MEI1: variants seen among roughly 807,000 people sequenced by gnomAD.
MEI1 encodes meiotic double-stranded break formation protein 1, also known as meiosis inhibitor protein 1.
A neutral mutation model predicts 146.2 loss-of-function variants in MEI1; 103 were observed. The observed-to-expected ratio is 0.70, with a 90% CI of 0.60 to 0.83. The LOEUF is 0.83. MEI1 is among the 40% of genes least tolerant of loss of function. The probability of loss-of-function intolerance (pLI) is 0.00; values close to 1 mark genes in which losing one functional copy is unlikely to be tolerated. For missense variants in MEI1, 1,529 were observed against 1,533.0 expected, an observed-to-expected ratio of 1.00 and a Z score of 0.04; for synonymous variants, 652 against 628.2, an observed-to-expected ratio of 1.04 and a Z score of -0.57.
At chr22:41,750,580 G>T (rs1029296367) in intron 15 of MEI1, among the ~76,000 whole-genome samples, 1 of 152,078 alleles carries the variant, frequency 6.6e-6, no homozygotes. Flanking sequence ...AAATGGGGGT[G>T]TGAGTAGAGG....
At chr22:41,775,777 G>A (rs1158602889) in intron 20 of MEI1, among the ~76,000 whole-genome samples, 2 of 151,938 alleles carry the variant, frequency 1.3e-5, no homozygotes, top group African/African-American at 4.8e-5. Flanking sequence ...TGTATTTTTA[G>A]TAAAGACGGG....
At chr22:41,703,557 T>C (rs2147209152) in intron 2 of MEI1, 103 bp downstream of exon 2, 5 of 1,082,302 alleles carry the variant, frequency 4.6e-6, no homozygotes, top group African/African-American at 1.6e-5. Context: ...AGGTTTTTTG[T>C]ATTGTAATAC....
chr22:41,752,685 A>G (rs202078816), intron 16 of MEI1, 34 bp downstream of exon 16: 92 of 1,556,202 alleles, frequency 5.9e-5, no homozygotes, highest in Non-Finnish European at 7.3e-5. Context: ...TGAGTGGCCA[A>G]GGGGCCAATG....
At chr22:41,713,952 C>A in intron 3 of MEI1, 50 bp from the exon 4 acceptor site, 1 of 1,492,624 alleles carries the variant, frequency 6.7e-7, no homozygotes, top group Non-Finnish European at 9.1e-7. Flanking sequence ...GGAAGGTGGA[C>A]TCTGGGTTGG....
intron 6 of MEI1, among the ~76,000 whole-genome samples, chr22:41,721,832 T>A (rs896102813): frequency 2.1e-5 from 3 of 144,538 alleles, no homozygotes; most frequent in African/African-American, 7.7e-5. Context: ...GTGATTCTCC[T>A]GCCACAGCCT....
chr22:41,711,572 A>G (rs1227564661), intron 3 of MEI1, among the ~76,000 whole-genome samples: 1 of 152,218 alleles, frequency 6.6e-6, no homozygotes, highest in Non-Finnish European at 1.5e-5. Flanking sequence ...CACTAGAGGA[A>G]GACTAAGGGT....
intron 20 of MEI1, among the ~76,000 whole-genome samples, chr22:41,771,792 A>C (rs2075196469): frequency 6.6e-6 from 1 of 152,146 alleles, no homozygotes; most frequent in Non-Finnish European, 1.5e-5. Flanking sequence ...CAAATTGAAC[A>C]ACAAATTAGA....
chr22:41,764,835 G>A (rs1336045504), intron 19 of MEI1, among the ~76,000 whole-genome samples: 1 of 152,174 alleles, frequency 6.6e-6, no homozygotes, highest in African/African-American at 2.4e-5. Context: ...CCAACCAGAG[G>A]TGGTACTAAG....
chr22:41,768,872 T>G (rs1383758332), intron 19 of MEI1, among the ~76,000 whole-genome samples: 1 of 152,196 alleles, frequency 6.6e-6, no homozygotes, highest in African/African-American at 2.4e-5. Flanking sequence ...CCAAATCATA[T>G]CAACTTATAT....
At chr22:41,741,704 G>A (rs1456086820) in intron 11 of MEI1, among the ~76,000 whole-genome samples, 5 of 152,198 alleles carry the variant, frequency 3.3e-5, no homozygotes, top group African/African-American at 1.2e-4. Context: ...TGCTGGGCGT[G>A]GTGGCTCACG....
intron 15 of MEI1, among the ~76,000 whole-genome samples, chr22:41,752,242 C>G (rs2073809775): frequency 6.6e-6 from 1 of 152,178 alleles, no homozygotes; most frequent in Non-Finnish European, 1.5e-5. Context: ...CAGATGTGCC[C>G]TTCCTAGGTC....
intron 1 of MEI1, among the ~76,000 whole-genome samples, chr22:41,700,519 C>T (rs1046897596): frequency 2.0e-5 from 3 of 152,110 alleles, no homozygotes; most frequent in African/African-American, 7.2e-5. Flanking sequence ...TTAGTAGAGA[C>T]GGAGTTTCAT....
chr22:41,780,572 T>TTTTC (rs1282594326), intron 22 of MEI1, among the ~76,000 whole-genome samples: 1 of 145,526 alleles, frequency 6.9e-6, no homozygotes, highest in Non-Finnish European at 1.5e-5. Context: ...AGCTGAATTT[T>TTTTC]TTTCTTTTCT....
chr22:41,716,355 CTTTTTTTTTTTTTTT>C (rs6147630), intron 5 of MEI1, among the ~76,000 whole-genome samples: 6 of 118,586 alleles, frequency 5.1e-5, no homozygotes, highest in South Asian at 2.7e-4. Context: ...TCCATTCATT[CTTTTTTTTTTTTTTT>C]TTTTTTTTTT....
intron 3 of MEI1, among the ~76,000 whole-genome samples, chr22:41,708,491 G>A (rs1371462844): frequency 1.3e-5 from 2 of 151,896 alleles, no homozygotes; most frequent in Non-Finnish European, 2.9e-5. Context: ...GCAGGACATG[G>A]GCAGACAGTC....
At chr22:41,709,702 A>C (rs1271001213) in intron 3 of MEI1, among the ~76,000 whole-genome samples, 6 of 152,082 alleles carry the variant, frequency 3.9e-5, no homozygotes, top group Admixed American at 6.6e-5. Context: ...ACCTGGTTCC[A>C]GACATAGTCC....
intron 3 of MEI1, among the ~76,000 whole-genome samples, chr22:41,707,661 G>T (rs1376833583): frequency 6.6e-6 from 1 of 152,056 alleles, no homozygotes; most frequent in Non-Finnish European, 1.5e-5. Flanking sequence ...AGTGTTAAGG[G>T]GATACTTACA....
At chr22:41,769,912 A>G (rs13053499) in intron 19 of MEI1, among the ~76,000 whole-genome samples, 1 of 151,702 alleles carries the variant, frequency 6.6e-6, no homozygotes, top group Non-Finnish European at 1.5e-5. Context: ...AGGCGGGCAG[A>G]TCACCTGAGG....
At chr22:41,711,745 C>G (rs2147288352) in intron 3 of MEI1, among the ~76,000 whole-genome samples, 1 of 152,258 alleles carries the variant, frequency 6.6e-6, no homozygotes, top group Admixed American at 6.5e-5. Context: ...CTTACCAAAT[C>G]TCTCCTCAAA....
Sources: gnomAD v4.1 joint callset for allele counts (sites outside exome capture counted in the v4.1 genomes callset) on GRCh38, gnomAD v4.1.1 for gene constraint, MANE v1.5 for transcripts, NCBI Gene and HGNC (gene_info 2026-07-23, HGNC 2026-07-21) for gene names.